Variants in CDH13 observed in about 807,000 individuals in gnomAD.
CDH13 encodes the protein cadherin-13.
CDH13 carries 24 observed loss-of-function variants against 63.8 expected under a neutral mutation model. The ratio of observed to expected loss-of-function variants is 0.38; its 90% CI spans 0.27 to 0.53. The LOEUF (loss-of-function observed/expected upper bound fraction) is 0.53, where lower values mean the gene tolerates loss of function less well. Among genes scored for constraint, CDH13 ranks in the 20% least tolerant of loss-of-function variants. CDH13 has a pLI of 0.85. For missense variants in CDH13, 1,049 were observed against 903.1 expected, an observed-to-expected ratio of 1.16 and a Z score of -2.07; for synonymous variants, 503 against 355.3, an observed-to-expected ratio of 1.42 and a Z score of -4.67.
At chr16:82,828,467 C>T (rs1482299522) in intron 1 of CDH13, among the ~76,000 whole-genome samples, 4 of 151,972 alleles carry the variant, frequency 2.6e-5, no homozygotes, top group African/African-American at 7.2e-5. Flanking sequence ...AAATAGAAAC[C>T]TCAGCTAGGA....
intron 7 of CDH13, among the ~76,000 whole-genome samples, chr16:83,525,308 T>C (rs1439317592): frequency 3.9e-5 from 6 of 152,376 alleles, no homozygotes; most frequent in African/African-American, 1.4e-4. Flanking sequence ...CTGTGTGTCA[T>C]GCACACTGAC....
At chr16:83,599,456 A>G (rs531041526) in intron 7 of CDH13, among the ~76,000 whole-genome samples, 5 of 152,374 alleles carry the variant, frequency 3.3e-5, no homozygotes, top group African/African-American at 1.2e-4. Context: ...GAAAACATTC[A>G]TACTCTTTAT....
intron 5 of CDH13, among the ~76,000 whole-genome samples, chr16:83,309,858 G>A (rs1204075496): frequency 6.6e-6 from 1 of 151,528 alleles, no homozygotes; most frequent in African/African-American, 2.4e-5. Context: ...AGTCCTTCCA[G>A]ACAAATGGCT....
intron 5 of CDH13, among the ~76,000 whole-genome samples, chr16:83,306,971 G>A (rs2089895348): frequency 6.6e-6 from 1 of 152,216 alleles, no homozygotes; most frequent in South Asian, 2.1e-4. Flanking sequence ...TGTTTCCTGA[G>A]CCTCTAGATA....
chr16:83,719,579 C>T (rs901876861), intron 10 of CDH13, among the ~76,000 whole-genome samples: 1 of 152,108 alleles, frequency 6.6e-6, no homozygotes, highest in Admixed American at 6.6e-5. Context: ...GTACTAGGAG[C>T]GTAGCTACCG....
intron 7 of CDH13, among the ~76,000 whole-genome samples, chr16:83,509,346 TG>T (rs997929329): frequency 6.6e-6 from 1 of 152,236 alleles, no homozygotes; most frequent in Non-Finnish European, 1.5e-5. Context: ...AAAAGATTTT[TG>T]AGCACTGATC....
chr16:82,662,923 A>G (rs1418193196), intron 1 of CDH13, among the ~76,000 whole-genome samples: 1 of 152,206 alleles, frequency 6.6e-6, no homozygotes, highest in African/African-American at 2.4e-5. Context: ...AGCAAAGGAC[A>G]TGCCTTCTCC....
intron 1 of CDH13, among the ~76,000 whole-genome samples, chr16:82,735,011 T>C (rs1291367674): frequency 6.6e-6 from 1 of 152,094 alleles, no homozygotes; most frequent in Non-Finnish European, 1.5e-5. Context: ...ACTCCGGAAA[T>C]CTAACTGAGA....
At chr16:83,612,504 A>T (rs559075337) in intron 8 of CDH13, among the ~76,000 whole-genome samples, 1 of 152,046 alleles carries the variant, frequency 6.6e-6, no homozygotes, top group Non-Finnish European at 1.5e-5. Flanking sequence ...GCCCATTTAC[A>T]TTTAATGCAA....
intron 6 of CDH13, among the ~76,000 whole-genome samples, chr16:83,380,569 AG>A (rs1297602228): frequency 6.6e-6 from 1 of 152,236 alleles, no homozygotes; most frequent in Non-Finnish European, 1.5e-5. Flanking sequence ...AGACATTCAG[AG>A]GTCTGTATAG....
chr16:83,568,196 A>C (rs532825891), intron 7 of CDH13, among the ~76,000 whole-genome samples: 1 of 152,198 alleles, frequency 6.6e-6, no homozygotes, highest in Non-Finnish European at 1.5e-5. Context: ...AAAAGGAAAA[A>C]AAAAAGCTGA....
chr16:83,142,154 GTT>G (rs1010118688), intron 4 of CDH13, among the ~76,000 whole-genome samples: 3 of 113,624 alleles, frequency 2.6e-5, no homozygotes, highest in African/African-American at 9.8e-5. Context: ...TTGTTTGTTT[GTT>G]TTTGTTTTTT....
intron 2 of CDH13, among the ~76,000 whole-genome samples, chr16:82,926,996 T>C (rs2042324694): frequency 6.7e-6 from 1 of 149,806 alleles, no homozygotes; most frequent in Non-Finnish European, 1.5e-5. Flanking sequence ...TTTTTCACGG[T>C]GTCAGTTAGG....
intron 2 of CDH13, among the ~76,000 whole-genome samples, chr16:82,997,280 C>G (rs1429804535): frequency 6.6e-6 from 1 of 152,114 alleles, no homozygotes; most frequent in South Asian, 2.1e-4. Context: ...ATTTCACTGA[C>G]AAGCAAATGT....
intron 5 of CDH13, among the ~76,000 whole-genome samples, chr16:83,246,144 T>C (rs546564463): frequency 3.2e-4 from 48 of 152,324 alleles, no homozygotes; most frequent in South Asian, 2.3e-3. Context: ...AATTATATAT[T>C]TGGACTAGAA....
At chr16:83,565,230 G>A (rs536269717) in intron 7 of CDH13, among the ~76,000 whole-genome samples, 2 of 151,934 alleles carry the variant, frequency 1.3e-5, no homozygotes, top group South Asian at 4.2e-4. Context: ...GGCTATAATT[G>A]CCCTCATAGT....
chr16:83,421,054 A>G (rs1367366207), intron 6 of CDH13, among the ~76,000 whole-genome samples: 7 of 152,168 alleles, frequency 4.6e-5, no homozygotes, highest in Admixed American at 3.9e-4. Context: ...TGTCCACAGT[A>G]AAAGCTGTGT....
intron 1 of CDH13, among the ~76,000 whole-genome samples, chr16:82,804,749 A>G (rs1030741196): frequency 6.6e-6 from 1 of 152,208 alleles, no homozygotes; most frequent in Non-Finnish European, 1.5e-5. Flanking sequence ...CCAAATAGGT[A>G]TCTCACAGAG....
At chr16:83,160,540 C>G (rs1430287365) in intron 4 of CDH13, among the ~76,000 whole-genome samples, 2 of 152,078 alleles carry the variant, frequency 1.3e-5, no homozygotes. Context: ...GGACGTAGAT[C>G]AAAGGGCACA....
Sources: gnomAD v4.1 joint callset for allele counts (sites outside exome capture counted in the v4.1 genomes callset) on GRCh38, gnomAD v4.1.1 for gene constraint, MANE v1.5 for transcripts, NCBI Gene and HGNC (gene_info 2026-07-23, HGNC 2026-07-21) for gene names.